RASGRP3: variants seen among roughly 807,000 people sequenced by gnomAD.
RASGRP3 encodes RAS guanyl releasing protein 3, also known as ras guanyl-releasing protein 3.
In RASGRP3, 54 loss-of-function variants were observed where a neutral mutation model predicts 82.7. The observed-to-expected ratio is 0.65, with a 90% CI of 0.52 to 0.82. The LOEUF (loss-of-function observed/expected upper bound fraction) is 0.82. Ranked by LOEUF, RASGRP3 falls within the 40% of genes least tolerant of loss-of-function variation. The pLI is 0.00. For synonymous variants in RASGRP3, 309 were observed against 300.5 expected, an observed-to-expected ratio of 1.03 and a Z score of -0.29; for missense variants, 861 against 828.9, an observed-to-expected ratio of 1.04 and a Z score of -0.48.
intron 2 of RASGRP3, among the ~76,000 whole-genome samples, chr2:33,452,230 T>A (rs1350330069): frequency 6.6e-6 from 1 of 152,208 alleles, no homozygotes; most frequent in Non-Finnish European, 1.5e-5. Context: ...AGATCTCCAT[T>A]TATTTAGGGT....
At chr2:33,549,404 A>T (rs1298922878) in intron 13 of RASGRP3, among the ~76,000 whole-genome samples, 200 bp from the exon 14 acceptor site, 1 of 152,000 alleles carries the variant, frequency 6.6e-6, no homozygotes, top group Non-Finnish European at 1.5e-5. Flanking sequence ...CACATACACA[A>T]TTTTCTGCTT....
At chr2:33,546,630 A>G (rs1252300726) in intron 13 of RASGRP3, among the ~76,000 whole-genome samples, 1 of 152,198 alleles carries the variant, frequency 6.6e-6, no homozygotes, top group Non-Finnish European at 1.5e-5. Flanking sequence ...AAATCATTCT[A>G]CAGTAAAGAC....
rs746782383 is a variant in RASGRP3, at chr2:33,460,516, A to ATTT, written c.-261+12587_-261+12589dup. The stretch of plus-strand genomic sequence containing the variant: ...GGGCATGTATTGTTTTTTAGATATA[A>ATTT]TTTTTTTTTTTTTTTTGAGACAGAG... On this transcript the variant is annotated intron_variant, in intron 2 of 18. Coordinates refer to the RASGRP3 transcript ENST00000402538. Among the ~76,000 whole-genome samples the ATTT allele has an allele frequency of 5.6e-3, 789 of 140,676 alleles. 8 individuals are homozygous for ATTT. Among genetic ancestry groups the ATTT allele is most frequent in the Middle Eastern group, 0.049 (13 of 268 alleles). 92.3% of individuals were successfully genotyped at this position (140,676 alleles called of 152,430 possible).
At chr2:33,531,914 G>A (rs745586652) in intron 10 of RASGRP3, 2 of 152,212 alleles carry the variant, frequency 1.3e-5, no homozygotes, top group Non-Finnish European at 2.9e-5. Flanking sequence ...GCTGAGTCAG[G>A]AGGAAGGGAA....
rs1416337093 is a variant in RASGRP3 at position 33,564,717 on chromosome 2, A to C, written c.*1980A>C. 1 of 152,158 alleles carries C rather than the reference A, an allele frequency of 6.6e-6. No homozygotes were observed. Among genetic ancestry groups the C allele is most frequent in the Non-Finnish European group, 1.5e-5 (1 of 68,034 alleles). 9.4% of individuals were successfully genotyped at this position (152,158 alleles called of 1,614,324 possible). On this transcript the variant is annotated 3_prime_UTR_variant, in exon 18 of 18. Coordinates refer to ENST00000403687, the MANE Select transcript of RASGRP3 (RefSeq NM_001139488.2). ...AATGTAACTTGAGTAAAAAATAAAA[A>C]AGAATAACTATGTATATACATATAT...
intron 1 of RASGRP3, among the ~76,000 whole-genome samples, chr2:33,480,382 C>T (rs1405818145): frequency 6.6e-6 from 1 of 152,150 alleles, no homozygotes; most frequent in African/African-American, 2.4e-5. Flanking sequence ...TTCCACCTGC[C>T]TGCTGCCTCT....
intron 3 of RASGRP3, among the ~76,000 whole-genome samples, chr2:33,515,496 T>G (rs1331613566): frequency 1.3e-5 from 2 of 152,192 alleles, no homozygotes; most frequent in Non-Finnish European, 2.9e-5. Context: ...AAATTCTGCT[T>G]CAGGGCCCTC....
rs561565553 is a variant in RASGRP3 at position 33,528,348 on chromosome 2, G to A, written c.1083+936G>A. On this transcript the variant is annotated intron_variant, in intron 10 of 17. Transcript: ENST00000403687. ...CCACTCATAGTTTTTTGGCATTTGTGGCACACATGTTTAGCTGGTCTCTGC... is the reference window on the plus strand; with the variant it reads ...CCACTCATAGTTTTTTGGCATTTGTAGCACACATGTTTAGCTGGTCTCTGC... 3.3e-5 allele frequency among the ~76,000 whole-genome samples: 5 copies of A among 152,224 alleles called. No individual in the cohort carries two copies. The South Asian group carries it at 1.0e-3, about 32-fold the overall frequency.
upstream of RASGRP3, among the ~76,000 whole-genome samples, chr2:33,475,010 A>C (rs2150922607): frequency 6.6e-6 from 1 of 152,304 alleles, no homozygotes; most frequent in Non-Finnish European, 1.5e-5. Flanking sequence ...AGATCACAAA[A>C]GTTTCTATTA....
intron 1 of RASGRP3, among the ~76,000 whole-genome samples, chr2:33,509,448 G>T (rs956776419): frequency 1.3e-5 from 2 of 151,816 alleles, no homozygotes; most frequent in Admixed American, 6.6e-5. Flanking sequence ...TTCAAACAAT[G>T]GCTTCCCGTT....
At chr2:33,464,084 C>T (rs559368489) in intron 2 of RASGRP3, among the ~76,000 whole-genome samples, 1 of 143,604 alleles carries the variant, frequency 7.0e-6, no homozygotes, top group East Asian at 2.0e-4. Context: ...GTAATTCTTG[C>T]AATATTCAAA....
chr2:33,467,984 CTTT>C (rs1666804739), intron 2 of RASGRP3, among the ~76,000 whole-genome samples: 3 of 12,968 alleles, frequency 2.3e-4, no homozygotes, highest in Non-Finnish European at 4.8e-4. Context: ...GAGGCTTTTT[CTTT>C]CTTTCTTTCT....
chr2:33,462,804 T>C (rs1228998027), intron 2 of RASGRP3, among the ~76,000 whole-genome samples: 1 of 152,260 alleles, frequency 6.6e-6, no homozygotes, highest in African/African-American at 2.4e-5. Flanking sequence ...GTGTCATTTA[T>C]CCCTGAATCA....
chr2:33,444,164 G>C (rs530886079), intron 1 of RASGRP3, among the ~76,000 whole-genome samples: 19 of 152,096 alleles, frequency 1.2e-4, no homozygotes, highest in Middle Eastern at 3.4e-3. Flanking sequence ...ACATTAGCTG[G>C]GCATGGTGGT....
rs201644519 is a variant in RASGRP3 at position 33,561,123 on chromosome 2, GT to G, written c.2065-1605del. Among the ~76,000 whole-genome samples, 104 of 151,422 alleles carry G rather than the reference GT, an allele frequency of 6.9e-4. No homozygotes were observed. The East Asian group carries it at 0.019, about 27-fold the overall frequency. ...ACTCTGTCACCCAGGGTGGAGTGCA[GT>G]GGCACAATCTTAGCTCACTGCAACC... On this transcript the variant is annotated intron_variant, in intron 17 of 17. Transcript: ENST00000403687.
At chr2:33,495,720 C>T (rs1669246937) in intron 1 of RASGRP3, among the ~76,000 whole-genome samples, 1 of 151,554 alleles carries the variant, frequency 6.6e-6, no homozygotes. Context: ...AATGAGACTT[C>T]ATCTCTTAAA....
intron 12 of RASGRP3, chr2:33,539,997 AAAAG>A (rs768475163): frequency 0.052 from 1,569 of 30,154 alleles, 5 homozygotes; most frequent in Non-Finnish European, 0.1. Flanking sequence ...GAAAAAAAAA[AAAAG>A]AAAAGAAAAG....
chr2:33,441,202 T>A (rs1320988599), intron 1 of RASGRP3, among the ~76,000 whole-genome samples: 1 of 152,192 alleles, frequency 6.6e-6, no homozygotes, highest in African/African-American at 2.4e-5. Context: ...TCCAAACTTG[T>A]TCTTTAGTGT....
In RASGRP3 at chr2:33,527,443, A is replaced by G. The variant is rs200353120; in HGVS notation, c.1083+31A>G. The G allele has an allele frequency of 1.2e-3, 1,829 of 1,582,706 alleles. 2 individuals carry two copies. Among genetic ancestry groups the G allele is most frequent in the Non-Finnish European group, 1.5e-3 (1,746 of 1,156,976 alleles). ...TTCCAAGGAGCCAAGTTTGGGCTCAATAATTCTTCTGCACCTTTCTTTCCA... is the reference window on the plus strand; with the variant it reads ...TTCCAAGGAGCCAAGTTTGGGCTCAGTAATTCTTCTGCACCTTTCTTTCCA... On this transcript the variant is annotated intron_variant, in intron 10 of 17. Transcript: ENST00000403687.
Sources: gnomAD v4.1 joint callset for allele counts (sites outside exome capture counted in the v4.1 genomes callset) on GRCh38, gnomAD v4.1.1 for gene constraint, MANE v1.5 for transcripts, NCBI Gene and HGNC (gene_info 2026-07-23, HGNC 2026-07-21) for gene names.